The following VWF variants were observed in gnomAD, a reference collection of about 807,000 sequenced individuals.
The protein encoded by VWF is Factor VIII related antigen.
VWF carries 176 observed loss-of-function variants against 308.6 expected under a neutral mutation model. That is an observed-to-expected ratio of 0.57 (90% CI 0.50 to 0.65). VWF has a LOEUF of 0.65. Ranked by LOEUF, VWF falls within the 30% of genes least tolerant of loss-of-function variation. VWF has a pLI of 0.00. For synonymous variants in VWF, 1,385 were observed against 1,443.4 expected (o/e 0.96, Z 0.92); for missense variants, 3,146 against 3,648.2 (o/e 0.86, Z 3.55).
chr12:5,989,826 G>A (rs1181619827), intron 38 of VWF, among the ~76,000 whole-genome samples: 1 of 152,142 alleles, frequency 6.6e-6, no homozygotes, highest in Non-Finnish European at 1.5e-5. Context: ...ATCACAGAAC[G>A]CCAAGGAAAA....
chr12:6,101,701 G>A (rs1355315755), intron 5 of VWF, among the ~76,000 whole-genome samples: 1 of 152,026 alleles, frequency 6.6e-6, no homozygotes, highest in African/African-American at 2.4e-5. Context: ...GCTTGAACCC[G>A]GCAGGCGGAG....
intron 42 of VWF, among the ~76,000 whole-genome samples, chr12:5,978,372 C>T (rs1943555268): frequency 6.6e-6 from 1 of 152,174 alleles, no homozygotes; most frequent in African/African-American, 2.4e-5. Flanking sequence ...AAGTGATTCT[C>T]CTGCTTCAGC....
At chr12:6,106,103 T>C (rs1223775145) in intron 5 of VWF, among the ~76,000 whole-genome samples, 2 of 152,166 alleles carry the variant, frequency 1.3e-5, no homozygotes, top group African/African-American at 4.8e-5. Context: ...CCTATACTCA[T>C]AGCAGCTTTA....
At chr12:5,961,548 C>A (rs1943315833) in intron 47 of VWF, among the ~76,000 whole-genome samples, 2 of 139,514 alleles carry the variant, frequency 1.4e-5, no homozygotes, top group Non-Finnish European at 3.1e-5. Context: ...TTGAAGGTGT[C>A]ATAACTGCTT....
In VWF at chr12:6,113,103, C is replaced by G. The variant is rs577869758; in HGVS notation, c.221-2135G>C. Among the ~76,000 whole-genome samples the G allele has an allele frequency of 1.8e-4, 28 of 152,296 alleles. No individual in the cohort carries two copies. In the South Asian group the frequency reaches 5.6e-3, roughly 30 times the overall value. The stretch of plus-strand genomic sequence containing the variant: ...TCTGCGGAGCTCCAGATCAACACAA[C>G]TGGGAGAAAATGGAGATGCCTGCCA... On this transcript the variant is annotated intron_variant, in intron 3 of 51. Coordinates refer to ENST00000261405, the MANE Select transcript of VWF (RefSeq NM_000552.5).
chr12:6,019,785 C>T lies in VWF; in HGVS notation c.3675-42G>A, dbSNP rs1018385362. ...AGAAATTAAAATGGTTCAGGAAGAA[C>T]CTGTGGACACTTCTGAGCCCTACAG... On this transcript the variant is annotated intron_variant, in intron 27 of 51. Transcript: ENST00000261405. This position sits in a 1 kb window ranked among gnomAD's most constrained non-coding sequence, Gnocchi z 5.8. 1 of 1,569,822 alleles carries T rather than the reference C, an allele frequency of 6.4e-7. No individual in the cohort carries two copies. Among genetic ancestry groups the T allele is most frequent in the Admixed American group, 1.9e-5 (1 of 52,688 alleles).
chr12:5,980,404 A>T (rs1449636518), intron 42 of VWF, among the ~76,000 whole-genome samples: 1 of 152,204 alleles, frequency 6.6e-6, no homozygotes, highest in Non-Finnish European at 1.5e-5. Flanking sequence ...TACTGGAAAT[A>T]CAGGGGATAG....
intron 24 of VWF, among the ~76,000 whole-genome samples, chr12:6,025,033 A>G (rs1345118636): frequency 2.8e-5 from 4 of 143,252 alleles, no homozygotes; most frequent in East Asian, 1.9e-4. Context: ...AAAAAAAAAA[A>G]AAAAAGAGAG....
chr12:5,968,362 C>G, intron 45 of VWF, 195 bp from the exon 46 acceptor site: 1 of 610,356 alleles, frequency 1.6e-6, no homozygotes, highest in African/African-American at 1.8e-5. Context: ...CTTCCCCATG[C>G]AGCCCACAAT....
intron 5 of VWF, among the ~76,000 whole-genome samples, chr12:6,102,838 C>A (rs1945181414): frequency 6.6e-6 from 1 of 152,110 alleles, no homozygotes; most frequent in Non-Finnish European, 1.5e-5. Context: ...TCAATGTAAT[C>A]CTTATCAAAG....
chr12:6,034,949 C>T, intron 19 of VWF, 123 bp from the exon 20 acceptor site: 2 of 1,293,360 alleles, frequency 1.5e-6, no homozygotes, highest in South Asian at 1.4e-5. Flanking sequence ...CCAGGAAGCC[C>T]AAGGAAGTTG....
intron 47 of VWF, 188 bp from the exon 48 acceptor site, chr12:5,953,782 G>A (rs969003278): frequency 4.0e-5 from 25 of 628,924 alleles, no homozygotes; most frequent in Middle Eastern, 3.6e-4. Context: ...CCTTCACTCT[G>A]CATGTGCACA....
chr12:6,103,559 C>CATATGTGTATATACACATATATGTAT, intron 5 of VWF, among the ~76,000 whole-genome samples: 1 of 113,524 alleles, frequency 8.8e-6, no homozygotes, highest in African/African-American at 7.9e-5. Flanking sequence ...CACACACACA[C>CATATGTGTATATACACATATATGTAT]ACACACACAC....
At chr12:6,025,737 C>G (rs1174680719) in intron 23 of VWF, 44 bp from the exon 24 acceptor site, 1 of 1,380,142 alleles carries the variant, frequency 7.2e-7, no homozygotes, top group South Asian at 1.2e-5. Flanking sequence ...GCTGGTCAAA[C>G]TGGGGTTATT....
chr12:6,119,232 C>A (rs956755768), intron 3 of VWF, among the ~76,000 whole-genome samples: 1 of 152,228 alleles, frequency 6.6e-6, no homozygotes, highest in Admixed American at 6.5e-5. Flanking sequence ...AGTCCCGCAC[C>A]CTCAAAGTCT....
chr12:6,071,926 G>T (rs1380149138), intron 9 of VWF, among the ~76,000 whole-genome samples: 1 of 152,178 alleles, frequency 6.6e-6, no homozygotes, highest in Non-Finnish European at 1.5e-5. Context: ...GCAGACTGGT[G>T]TGAGTTTCCA....
At chr12:6,072,270 C>T in intron 9 of VWF, 61 bp downstream of exon 9, 2 of 1,530,346 alleles carry the variant, frequency 1.3e-6, no homozygotes. Context: ...CCTGCTGACC[C>T]AGCTTCCCTC....
intron 16 of VWF, among the ~76,000 whole-genome samples, chr12:6,052,196 T>G (rs1944522882): frequency 6.6e-6 from 1 of 152,198 alleles, no homozygotes; most frequent in South Asian, 2.1e-4. Context: ...TTGAGAATAC[T>G]GAAAGCAGGC....
intron 6 of VWF, among the ~76,000 whole-genome samples, chr12:6,092,618 A>AGAGTGTGTGT (rs1301391895): frequency 1.5e-5 from 1 of 66,150 alleles, no homozygotes. Flanking sequence ...AGTGAGTGAG[A>AGAGTGTGTGT]GTGTGTGTGT....
Sources: gnomAD v4.1 joint callset for allele counts (sites outside exome capture counted in the v4.1 genomes callset) on GRCh38, gnomAD v4.1.1 for gene constraint, Gnocchi (gnomAD v3.1) non-coding constraint, MANE v1.5 for transcripts, NCBI Gene and HGNC (gene_info 2026-07-23, HGNC 2026-07-21) for gene names.